The following SIPA1L1 variants were observed in gnomAD, a reference collection of about 807,000 sequenced individuals.
The protein encoded by SIPA1L1 is signal-induced proliferation-associated 1-like protein 1.
Under a neutral mutation model 162.7 loss-of-function variants are expected in SIPA1L1, and 26 were observed. That is an observed-to-expected ratio of 0.16 (90% CI 0.12 to 0.22). SIPA1L1 has a LOEUF of 0.22. Among genes scored for constraint, SIPA1L1 ranks in the 10% least tolerant of loss-of-function variants. SIPA1L1 has a pLI of 1.00. For synonymous variants in SIPA1L1, 829 were observed against 837.4 expected (o/e 0.99, Z 0.17); for missense variants, 1,874 against 2,241.0 (o/e 0.84, Z 3.31).
At chr14:71,636,405 A>T (rs1287571811) in intron 7 of SIPA1L1, among the ~76,000 whole-genome samples, 1 of 152,222 alleles carries the variant, frequency 6.6e-6, no homozygotes, top group African/African-American at 2.4e-5. Flanking sequence ...AAAAATCTCT[A>T]AGCACTTGGA....
chr14:71,581,485 C>T (rs1254681006), intron 4 of SIPA1L1, among the ~76,000 whole-genome samples: 1 of 152,154 alleles, frequency 6.6e-6, no homozygotes, highest in East Asian at 1.9e-4. Context: ...GCACTTACCC[C>T]GTGTGCTGGA....
intron 3 of SIPA1L1, among the ~76,000 whole-genome samples, chr14:71,517,427 A>G (rs2051853400): frequency 6.6e-6 from 1 of 152,204 alleles, no homozygotes; most frequent in Non-Finnish European, 1.5e-5. Context: ...CCTGCAAACA[A>G]AACCACATTC....
At chr14:71,350,226 A>AACAC (rs10664371) in intron 2 of SIPA1L1, among the ~76,000 whole-genome samples, 4,733 of 146,842 alleles carry the variant, frequency 0.032, 97 homozygotes, top group Middle Eastern at 0.041. Context: ...GTCTCTACTA[A>AACAC]ACACACACAC....
At position 71,508,292 on chromosome 14, in the gene SIPA1L1, T is replaced by A. The variant is rs189386013; in HGVS notation, c.-464-4451T>A. Among the ~76,000 whole-genome samples the A allele has an allele frequency of 5.3e-5, 8 of 152,292 alleles. No individual in the cohort carries two copies. The East Asian group carries it at 1.5e-3, about 29-fold the overall frequency. ...CTATATACAGGCTCTTAATTTGTAA[T>A]CTCCTCCAGTAAAGGTGGCACTTTA... On this transcript the variant is annotated intron_variant, in intron 2 of 23. Transcript: ENST00000381232.
chr14:71,547,328 G>T (rs952595668), intron 4 of SIPA1L1, among the ~76,000 whole-genome samples: 1 of 125,686 alleles, frequency 8.0e-6, no homozygotes, highest in Admixed American at 1.0e-4. Context: ...ATGGAGTCTC[G>T]CTCTGTCGAG....
chr14:71,387,146 G>A (rs1304467990), intron 2 of SIPA1L1, among the ~76,000 whole-genome samples: 1 of 150,888 alleles, frequency 6.6e-6, no homozygotes, highest in Non-Finnish European at 1.5e-5. Context: ...TACTCGGGAG[G>A]CTGAGGCAGA....
At chr14:71,505,109 T>C (rs1342407534) in intron 2 of SIPA1L1, among the ~76,000 whole-genome samples, 1 of 152,206 alleles carries the variant, frequency 6.6e-6, no homozygotes, top group Non-Finnish European at 1.5e-5. Context: ...CTTAATATTT[T>C]GTAGTTTAAA....
chr14:71,518,216 G>A (rs555100451), intron 3 of SIPA1L1, among the ~76,000 whole-genome samples: 6 of 151,918 alleles, frequency 3.9e-5, no homozygotes, highest in Admixed American at 1.3e-4. Context: ...CTTCAGAGGC[G>A]GAGGTTGTAG....
At chr14:71,673,502 A>G (rs2044747833) in intron 12 of SIPA1L1, among the ~76,000 whole-genome samples, 2 of 152,158 alleles carry the variant, frequency 1.3e-5, no homozygotes, top group Non-Finnish European at 1.5e-5. Flanking sequence ...CTGAGCTCTC[A>G]TGGATTTGTG....
intron 4 of SIPA1L1, among the ~76,000 whole-genome samples, chr14:71,543,031 C>T (rs551719473): frequency 6.6e-6 from 1 of 152,126 alleles, no homozygotes; most frequent in Admixed American, 6.6e-5. Flanking sequence ...TGTCATTGCA[C>T]TTACTCCTCC....
intron 2 of SIPA1L1, among the ~76,000 whole-genome samples, chr14:71,503,072 A>G (rs754664044): frequency 2.4e-4 from 37 of 152,176 alleles, no homozygotes; most frequent in Non-Finnish European, 4.4e-4. Flanking sequence ...CCTGACCTCT[A>G]TTGAAAAAAT....
At chr14:71,354,680 G>C (rs1227723746) in intron 2 of SIPA1L1, among the ~76,000 whole-genome samples, 1 of 151,950 alleles carries the variant, frequency 6.6e-6, no homozygotes, top group African/African-American at 2.4e-5. Flanking sequence ...GAGAGTCATC[G>C]TAGTAACTAC....
chr14:71,629,777 T>G lies in SIPA1L1; in HGVS notation c.1818+5541T>G, dbSNP rs1596508933. Among the ~76,000 whole-genome samples, 4 of 152,344 alleles carry G rather than the reference T, an allele frequency of 2.6e-5. No individual in the cohort carries two copies. In the East Asian group the frequency reaches 7.7e-4, roughly 29 times the overall value. Reference sequence around the variant, plus strand: ...AGTTTCAAATTTTAAGAAGTTATCCTTCAGGTTATTAAAGTCAGAGTAAGG... The same window carrying G: ...AGTTTCAAATTTTAAGAAGTTATCCGTCAGGTTATTAAAGTCAGAGTAAGG... On this transcript the variant is annotated intron_variant, in intron 7 of 23. Coordinates refer to ENST00000381232, the MANE Select transcript of SIPA1L1 (RefSeq NM_001386936.1).
At chr14:71,614,645 C>G (rs1460963080) in intron 5 of SIPA1L1, among the ~76,000 whole-genome samples, 1 of 152,110 alleles carries the variant, frequency 6.6e-6, no homozygotes, top group African/African-American at 2.4e-5. Context: ...CTAGCGTTAT[C>G]TAACCAGAGA....
chr14:71,416,608 C>A (rs935174150), intron 2 of SIPA1L1, among the ~76,000 whole-genome samples: 5 of 151,990 alleles, frequency 3.3e-5, no homozygotes, highest in Admixed American at 6.6e-5. Flanking sequence ...TTCTCCCAAC[C>A]TGTTGGTGAC....
intron 4 of SIPA1L1, among the ~76,000 whole-genome samples, chr14:71,579,118 G>A (rs542791841): frequency 1.3e-5 from 2 of 152,228 alleles, no homozygotes; most frequent in African/African-American, 4.8e-5. Context: ...CTTTACATTT[G>A]TTTACATTTC....
chr14:71,669,922 A>T (rs2044355234), intron 10 of SIPA1L1, among the ~76,000 whole-genome samples: 1 of 152,176 alleles, frequency 6.6e-6, no homozygotes, highest in African/African-American at 2.4e-5. Context: ...TTGAAAAACA[A>T]AGCTGAATAT....
chr14:71,478,288 T>C (rs376477727), intron 2 of SIPA1L1, among the ~76,000 whole-genome samples: 4 of 152,208 alleles, frequency 2.6e-5, no homozygotes, highest in African/African-American at 9.6e-5. Flanking sequence ...TTGTTGCATA[T>C]GTGATTTGCA....
intron 7 of SIPA1L1, among the ~76,000 whole-genome samples, chr14:71,641,267 A>G (rs1249574622): frequency 2.6e-5 from 4 of 151,890 alleles, no homozygotes; most frequent in Non-Finnish European, 5.9e-5. Context: ...TGTCCACCCT[A>G]AACAAGATAA....
Sources: gnomAD v4.1 joint callset for allele counts (sites outside exome capture counted in the v4.1 genomes callset) on GRCh38, gnomAD v4.1.1 for gene constraint, MANE v1.5 for transcripts, NCBI Gene and HGNC (gene_info 2026-07-23, HGNC 2026-07-21) for gene names.